Variants in CCND3 observed in about 807,000 individuals in gnomAD.
CCND3 encodes G1/S-specific cyclin-D3.
Under a neutral mutation model 28.7 loss-of-function variants are expected in CCND3, and 9 were observed. The ratio of observed to expected loss-of-function variants is 0.31; its 90% confidence interval spans 0.19 to 0.55. The LOEUF (loss-of-function observed/expected upper bound fraction) is 0.55. CCND3 is among the 20% of genes least tolerant of loss of function. The pLI, the probability that CCND3 is intolerant of heterozygous loss-of-function variation, is 0.93. For missense variants in CCND3, 315 were observed against 385.8 expected, an observed-to-expected ratio of 0.82 and a Z score of 1.54; for synonymous variants, 164 against 163.9, an observed-to-expected ratio of 1.00 and a Z score of 0.00.
intron 1 of CCND3, among the ~76,000 whole-genome samples, chr6:41,954,254 A>AAAAAAAAAAAAAAAAAAAAAAAAAC: frequency 1.3e-5 from 1 of 76,398 alleles, no homozygotes; most frequent in Non-Finnish European, 2.6e-5. Flanking sequence ...CTGCCTTAAA[A>AAAAAAAAAAAAAAAAAAAAAAAAAC]AAAAAAAAAA....
At chr6:42,036,681 G>A (rs1279541727) in intron 1 of CCND3, among the ~76,000 whole-genome samples, 4 of 151,748 alleles carry the variant, frequency 2.6e-5, no homozygotes, top group Admixed American at 6.6e-5. Flanking sequence ...TGAGATTACA[G>A]GCATGAGCCA....
chr6:42,007,727 C>T (rs568608696), intron 1 of CCND3, among the ~76,000 whole-genome samples: 2 of 152,140 alleles, frequency 1.3e-5, no homozygotes, highest in Non-Finnish European at 2.9e-5. Context: ...GCATGTGCTG[C>T]GAGAGCCAGA....
chr6:42,014,915 A>G (rs1763454237), intron 1 of CCND3, among the ~76,000 whole-genome samples: 1 of 152,242 alleles, frequency 6.6e-6, no homozygotes, highest in African/African-American at 2.4e-5. Flanking sequence ...TTGTTATTAT[A>G]CCATCATCTG....
intron 1 of CCND3, among the ~76,000 whole-genome samples, chr6:42,006,831 CCA>C (rs1172683405): frequency 6.6e-6 from 1 of 151,534 alleles, no homozygotes; most frequent in Non-Finnish European, 1.5e-5. Context: ...TGGTGTGAAC[CCA>C]GGGGGCAGAG....
chr6:42,048,855 CG>C lies in CCND3; in HGVS notation c.-401del. On this transcript the variant is annotated 5_prime_UTR_variant, in exon 1 of 5. Transcript: ENST00000372988. This position sits in a 1 kb window ranked among gnomAD's most constrained non-coding sequence, Gnocchi z 4.7. ...AGGCCAGGAGGCTCATCCGGCGCCG[CG>C]CACCCCCGCCCGCAGCCCCCGCCCC... The C allele has an allele frequency of 1.9e-5, 6 of 316,296 alleles. No individual in the cohort carries two copies. Among genetic ancestry groups the C allele is most frequent in the South Asian group, 1.4e-4 (6 of 41,728 alleles). 19.6% of individuals were successfully genotyped at this position (316,296 alleles called of 1,614,324 possible).
chr6:42,040,896 T>C (rs1178361140), intron 1 of CCND3, among the ~76,000 whole-genome samples: 1 of 149,188 alleles, frequency 6.7e-6, no homozygotes, highest in Non-Finnish European at 1.5e-5. Flanking sequence ...AAAAACCTCA[T>C]AGAATATGTT....
In CCND3 at chr6:42,048,721, TG is replaced by T; in HGVS notation, c.-267del. On this transcript the variant is annotated 5_prime_UTR_variant, in exon 1 of 5. Coordinates refer to the CCND3 transcript ENST00000372988. This position sits in a 1 kb window ranked among gnomAD's most constrained non-coding sequence, Gnocchi z 4.7. ...CCGCGCCGCGCCGCCGATCCAGAGCTGGGCAGGAAGTGGGGAAGAGGGGGCG... is the reference window on the plus strand; with the variant it reads ...CCGCGCCGCGCCGCCGATCCAGAGCTGGCAGGAAGTGGGGAAGAGGGGGCG... 1 of 510,560 alleles carries T rather than the reference TG, an allele frequency of 2.0e-6. No individual in the cohort carries two copies. Among genetic ancestry groups the T allele is most frequent in the Non-Finnish European group, 3.9e-6 (1 of 256,464 alleles). 31.6% of individuals were successfully genotyped at this position (510,560 alleles called of 1,614,324 possible).
intron 1 of CCND3, among the ~76,000 whole-genome samples, chr6:42,026,005 C>A (rs1221175591): frequency 6.6e-6 from 1 of 152,170 alleles, no homozygotes; most frequent in East Asian, 1.9e-4. Flanking sequence ...ATGGAGATTC[C>A]CACCTCCAGA....
intron 1 of CCND3, among the ~76,000 whole-genome samples, chr6:42,034,034 G>T (rs77028264): frequency 0.099 from 15,108 of 152,042 alleles, 891 homozygotes; most frequent in East Asian, 0.23. Flanking sequence ...GGCATGCACC[G>T]GTAGTCTTAG....
chr6:41,975,005 G>A (rs1762136053), intron 1 of CCND3, among the ~76,000 whole-genome samples: 1 of 151,846 alleles, frequency 6.6e-6, no homozygotes, highest in African/African-American at 2.4e-5. Flanking sequence ...TGTTGGCCAG[G>A]CTCGTCTCAA....
chr6:41,990,206 T>TAA (rs74338312), intron 1 of CCND3, among the ~76,000 whole-genome samples: 2 of 146,180 alleles, frequency 1.4e-5, no homozygotes, highest in Non-Finnish European at 3.0e-5. Context: ...ATAATAGCTC[T>TAA]AAAAAAAAAA....
At chr6:42,030,970 G>T (rs1764025331) in intron 1 of CCND3, among the ~76,000 whole-genome samples, 1 of 152,050 alleles carries the variant, frequency 6.6e-6, no homozygotes, top group Non-Finnish European at 1.5e-5. Flanking sequence ...AATTGGGGGT[G>T]GGGTCAAAGA....
At chr6:42,043,206 C>A (rs1372832767) in intron 1 of CCND3, among the ~76,000 whole-genome samples, 2 of 152,124 alleles carry the variant, frequency 1.3e-5, no homozygotes, top group Non-Finnish European at 2.9e-5. Flanking sequence ...CCAGCCTGGG[C>A]AACAGGGTGA....
chr6:42,039,285 C>CAA (rs1263469468), intron 1 of CCND3, among the ~76,000 whole-genome samples: 1 of 152,212 alleles, frequency 6.6e-6, no homozygotes, highest in African/African-American at 2.4e-5. Context: ...AACACTGTGT[C>CAA]AAATGTGGCT....
At position 41,935,131 on chromosome 6, in the gene CCND3, A is replaced by C. The variant is rs1775726328; in HGVS notation, c.*809T>G. On this transcript the variant is annotated 3_prime_UTR_variant, in exon 5 of 5. Coordinates refer to ENST00000372991, the MANE Select transcript of CCND3 (RefSeq NM_001760.5). Reference sequence around the variant, plus strand: ...CTGCTGGAGGATGGGGCAGAGGGACAATGGGAGAGGAGGGCATGACCCCAC... The same window carrying C: ...CTGCTGGAGGATGGGGCAGAGGGACCATGGGAGAGGAGGGCATGACCCCAC... 1 of 233,196 alleles carries C rather than the reference A, an allele frequency of 4.3e-6. No homozygotes were observed. The highest frequency in any genetic ancestry group is 8.5e-6 in the Non-Finnish European group (1 of 118,080). 14.4% of individuals were successfully genotyped at this position (233,196 alleles called of 1,614,324 possible).
At chr6:41,942,872 CTTTTTTTTTTTTT>C (rs60884050), upstream of CCND3, among the ~76,000 whole-genome samples, 2 of 82,568 alleles carry the variant, frequency 2.4e-5, no homozygotes, top group African/African-American at 5.2e-5. Flanking sequence ...GTTAATTATT[CTTTTTTTTTTTTT>C]TTTTTTTTTT....
At chr6:41,957,631 C>CAA (rs201951920) in intron 1 of CCND3, among the ~76,000 whole-genome samples, 1 of 151,996 alleles carries the variant, frequency 6.6e-6, no homozygotes, top group Non-Finnish European at 1.5e-5. Context: ...TGTTTTCTCC[C>CAA]AAAAAAATGG....
chr6:41,979,538 A>G (rs1762276757), intron 1 of CCND3, among the ~76,000 whole-genome samples: 1 of 150,268 alleles, frequency 6.7e-6, no homozygotes, highest in African/African-American at 2.4e-5. Context: ...CACTTCAAAA[A>G]AAAAAAAAAA....
chr6:41,954,277 G>T (rs1239823737), intron 1 of CCND3, among the ~76,000 whole-genome samples: 3 of 50,398 alleles, frequency 6.0e-5, no homozygotes, highest in Non-Finnish European at 1.4e-4. Flanking sequence ...AAAAAAAAAG[G>T]TGTGGTGGCT....
Sources: gnomAD v4.1 joint callset for allele counts (sites outside exome capture counted in the v4.1 genomes callset) on GRCh38, gnomAD v4.1.1 for gene constraint, Gnocchi (gnomAD v3.1) non-coding constraint, MANE v1.5 for transcripts, NCBI Gene and HGNC (gene_info 2026-07-23, HGNC 2026-07-21) for gene names.